Variants in SULT1C3 observed in about 807,000 individuals in gnomAD.
The protein encoded by SULT1C3 is sulfotransferase family 1C member 3, also known as sulfotransferase 1C3.
A neutral mutation model predicts 28.4 loss-of-function variants in SULT1C3; 31 were observed. That is an observed-to-expected ratio of 1.09 (90% CI 0.82 to 1.47). SULT1C3 has a LOEUF of 1.47. Ranked by LOEUF, SULT1C3 falls within the 40% of genes most tolerant of loss-of-function variation. The probability of loss-of-function intolerance (pLI) is 0.00; values close to 1 mark genes in which losing one functional copy is unlikely to be tolerated. For missense variants in SULT1C3, 307 were observed against 272.5 expected, an observed-to-expected ratio of 1.13 and a Z score of -0.89; for synonymous variants, 106 against 92.2, an observed-to-expected ratio of 1.15 and a Z score of -0.86.
chr2:108,265,127 C>T, downstream of SULT1C3: 3 of 1,458,244 alleles, frequency 2.1e-6, no homozygotes, highest in South Asian at 1.3e-5. Flanking sequence ...CACTGTACAA[C>T]CTTTGAGAGG....
At chr2:108,256,976 A>T (rs567924112) in intron 5 of SULT1C3, among the ~76,000 whole-genome samples, 4 of 152,038 alleles carry the variant, frequency 2.6e-5, no homozygotes, top group Non-Finnish European at 5.9e-5. Context: ...GGAAGACAGG[A>T]TCCAAGCTTC....
chr2:108,255,895 G>A (rs1395911673), intron 5 of SULT1C3, among the ~76,000 whole-genome samples, 197 bp downstream of exon 5: 1 of 152,010 alleles, frequency 6.6e-6, no homozygotes, highest in Non-Finnish European at 1.5e-5. Context: ...GTCAACTGGG[G>A]TCATAAGTTT....
intron 1 of SULT1C3, among the ~76,000 whole-genome samples, chr2:108,245,421 T>C (rs1675554500): frequency 6.6e-6 from 1 of 152,184 alleles, no homozygotes; most frequent in African/African-American, 2.4e-5. Flanking sequence ...TGCTAAAGCA[T>C]TTACCCATAG....
chr2:108,253,309 A>T, intron 3 of SULT1C3, 36 bp from the exon 4 acceptor site: 1 of 1,390,092 alleles, frequency 7.2e-7, no homozygotes, highest in Non-Finnish European at 9.7e-7. Context: ...GCAGAGTGCC[A>T]AGAATAAACA....
Position 108,258,947 on chromosome 2 carries a change from CT to C in SULT1C3, c.622-14del. 7 of 749,718 alleles carry C rather than the reference CT, an allele frequency of 9.3e-6. No homozygotes were observed. Among genetic ancestry groups the C allele is most frequent in the East Asian group, 2.7e-5 (1 of 36,800 alleles). 46.4% of individuals were successfully genotyped at this position (749,718 alleles called of 1,614,324 possible). On this transcript the variant is annotated intron_variant, in intron 6 of 7. Transcript: ENST00000681802. ...CTTCTTTCCTCCCTCTTCACAATGC[CT>C]TTTTCTCCCATGATCAGAATCCAAA... is the stretch of plus-strand genomic sequence containing the variant.
rs555946417 is a variant in SULT1C3, at chr2:108,247,143, A to T, written c.-7-45A>T. 15 of 1,366,206 alleles carry T rather than the reference A, an allele frequency of 1.1e-5. No homozygotes were observed. In the South Asian group the frequency reaches 3.3e-4, roughly 30 times the overall value. The allele number at this position is 1,366,206 out of a possible 1,614,324, so 84.6% of individuals were successfully genotyped here. A position where few individuals can be genotyped will look rare whatever the true frequency, so the allele number is the denominator to read the frequency against. On this transcript the variant is annotated intron_variant, in intron 1 of 7. Transcript: ENST00000681802. ...TAACCCATACTATGAACCATAAAACAACATTTTTAAAAATTTTAATTAGTA... is the reference window on the plus strand; with the variant it reads ...TAACCCATACTATGAACCATAAAACTACATTTTTAAAAATTTTAATTAGTA...
chr2:108,252,496 G>C lies in SULT1C3; in HGVS notation c.301+3G>C, dbSNP rs1338212738. 3.1e-6 allele frequency: 5 copies of C among 1,611,760 alleles called. No individual in the cohort carries two copies. Among genetic ancestry groups the C allele is most frequent in the Non-Finnish European group, 4.2e-6 (5 of 1,178,632 alleles). The stretch of plus-strand genomic sequence containing the variant: ...ATTTCCCCATAAAGAAAAACCAGGT[G>C]AGTAATATGCACGAAGATAGAAAGG... On this transcript the variant is annotated splice_donor_region_variant and intron_variant, in intron 3 of 7. Coordinates refer to ENST00000681802, the MANE Select transcript of SULT1C3 (RefSeq NM_001320878.2).
chr2:108,250,453 T>A (rs563479902), intron 2 of SULT1C3, among the ~76,000 whole-genome samples: 1 of 152,114 alleles, frequency 6.6e-6, no homozygotes, highest in East Asian at 1.9e-4. Context: ...TCTCATGAAC[T>A]TTTGGGGAGG....
At chr2:108,251,215 A>G (rs1487688569) in intron 2 of SULT1C3, among the ~76,000 whole-genome samples, 1 of 152,058 alleles carries the variant, frequency 6.6e-6, no homozygotes, top group Non-Finnish European at 1.5e-5. Flanking sequence ...AGTTCTTTAT[A>G]TGAAGATCTA....
At chr2:108,254,734 T>C (rs1489235546) in intron 4 of SULT1C3, among the ~76,000 whole-genome samples, 1 of 150,730 alleles carries the variant, frequency 6.6e-6, no homozygotes, top group Admixed American at 6.6e-5. Flanking sequence ...TATGTATATA[T>C]GTATGTATGC....
At chr2:108,265,136 G>A, downstream of SULT1C3, 2 of 1,446,486 alleles carry the variant, frequency 1.4e-6, no homozygotes, top group Non-Finnish European at 9.4e-7. Context: ...ACCTTTGAGA[G>A]GCAAGTTGCC....
chr2:108,257,233 G>A (rs1471982340), intron 5 of SULT1C3, among the ~76,000 whole-genome samples: 1 of 151,872 alleles, frequency 6.6e-6, no homozygotes, highest in Non-Finnish European at 1.5e-5. Flanking sequence ...AAAAAACTCA[G>A]GTTTCCAAAA....
chr2:108,244,361 A>T (rs2104382135), intron 1 of SULT1C3, among the ~76,000 whole-genome samples: 1 of 149,374 alleles, frequency 6.7e-6, no homozygotes, highest in East Asian at 1.9e-4. Flanking sequence ...AGGGGACATT[A>T]TAAAAGAGAT....
intron 1 of SULT1C3, among the ~76,000 whole-genome samples, chr2:108,240,966 A>C (rs1675448317): frequency 6.6e-6 from 1 of 152,230 alleles, no homozygotes; most frequent in African/African-American, 2.4e-5. Flanking sequence ...TTCCACAAGG[A>C]ATTTCAGATA....
rs143973041 is a variant in SULT1C3 at position 108,255,602 on chromosome 2, T to C, written c.430T>C (p.Cys144Arg). 159 of 1,611,790 alleles carry C rather than the reference T, an allele frequency of 9.9e-5. No homozygotes were observed. Among genetic ancestry groups the C allele is most frequent in the Non-Finnish European group, 1.3e-4 (153 of 1,178,512 alleles). The change falls in exon 5 of 8, where the codon TGC (cysteine) becomes CGC (arginine). Residue 144 changes from cysteine (C) to arginine (R), a missense_variant. Cys to Arg is a radical substitution (Grantham distance 180). Coordinates refer to ENST00000681802, the MANE Select transcript of SULT1C3 (RefSeq NM_001320878.2). ...IVYVARNPKD[C>R]LVSYYHFHRM... ...CTATGTGGCCAGAAATCCCAAGGAT[T>C]GCCTGGTGTCCTACTACCACTTTCA...
At chr2:108,258,228 C>T (rs1342716252) in intron 5 of SULT1C3, among the ~76,000 whole-genome samples, 2 of 152,088 alleles carry the variant, frequency 1.3e-5, no homozygotes, top group Non-Finnish European at 2.9e-5. Flanking sequence ...GGTGTCCACT[C>T]ATTCTCTTAC....
At chr2:108,250,237 A>T (rs1238435931) in intron 2 of SULT1C3, among the ~76,000 whole-genome samples, 1 of 152,008 alleles carries the variant, frequency 6.6e-6, no homozygotes, top group East Asian at 1.9e-4. Flanking sequence ...CAAAAAACAA[A>T]AAAAAAATGT....
At chr2:108,258,901 T>A in intron 6 of SULT1C3, 65 bp from the exon 7 acceptor site, 2 of 1,235,768 alleles carry the variant, frequency 1.6e-6, no homozygotes, top group Non-Finnish European at 2.3e-6. Flanking sequence ...AAAAGCTGTG[T>A]CTTTAATTGG....
intron 2 of SULT1C3, among the ~76,000 whole-genome samples, chr2:108,248,695 A>T (rs1274609838): frequency 6.6e-6 from 1 of 152,158 alleles, no homozygotes; most frequent in Non-Finnish European, 1.5e-5. Context: ...CCTAGAGATT[A>T]TACAAGCATG....
Sources: allele counts gnomAD v4.1 joint callset (sites outside exome capture counted in the v4.1 genomes callset), GRCh38; gene constraint gnomAD v4.1.1; transcripts MANE v1.5; gene names NCBI Gene and HGNC (gene_info 2026-07-23, HGNC 2026-07-21).